The following GRIK4 variants were observed in gnomAD, a reference collection of about 807,000 sequenced individuals.
GRIK4 encodes the protein glutamate receptor ionotropic, kainate 4.
A neutral mutation model predicts 104.9 loss-of-function variants in GRIK4; 40 were observed. The ratio of observed to expected loss-of-function variants is 0.38; its 90% CI spans 0.30 to 0.50. The LOEUF (loss-of-function observed/expected upper bound fraction) is 0.50. Among genes scored for constraint, GRIK4 ranks in the 20% least tolerant of loss-of-function variants. The pLI, the probability that GRIK4 is intolerant of heterozygous loss-of-function variation, is 0.93. For synonymous variants in GRIK4, 485 were observed against 524.9 expected, an observed-to-expected ratio of 0.92 and a Z score of 1.04; for missense variants, 1,047 against 1,308.1, an observed-to-expected ratio of 0.80 and a Z score of 3.08.
intron 1 of GRIK4, among the ~76,000 whole-genome samples, chr11:120,607,278 T>C (rs1948974260): frequency 6.6e-6 from 1 of 152,172 alleles, no homozygotes; most frequent in African/African-American, 2.4e-5. Context: ...ATGACTTGTA[T>C]TGTAACGGGT....
chr11:120,898,093 T>A (rs1942634910), intron 11 of GRIK4, among the ~76,000 whole-genome samples: 1 of 152,178 alleles, frequency 6.6e-6, no homozygotes, highest in South Asian at 2.1e-4. Context: ...CCAGCAAATG[T>A]TTATCAAAGG....
intron 3 of GRIK4, among the ~76,000 whole-genome samples, chr11:120,710,191 A>T (rs1276314733): frequency 6.8e-6 from 1 of 147,598 alleles, no homozygotes; most frequent in Admixed American, 6.6e-5. Context: ...TCTTTCTAGT[A>T]ACTCGGAGAA....
chr11:120,680,933 G>T (rs1463633578), intron 3 of GRIK4, among the ~76,000 whole-genome samples: 1 of 152,122 alleles, frequency 6.6e-6, no homozygotes, highest in Non-Finnish European at 1.5e-5. Context: ...ATATATCATG[G>T]GCAGCCACTG....
At chr11:120,657,847 G>T (rs1378823111) in intron 2 of GRIK4, among the ~76,000 whole-genome samples, 1 of 152,196 alleles carries the variant, frequency 6.6e-6, no homozygotes, top group Non-Finnish European at 1.5e-5. Flanking sequence ...ACACACATAA[G>T]GAAAAGTGCA....
At chr11:120,969,868 T>C (rs563291230) in intron 19 of GRIK4, among the ~76,000 whole-genome samples, 2 of 152,232 alleles carry the variant, frequency 1.3e-5, no homozygotes, top group South Asian at 4.1e-4. Flanking sequence ...TCTTTCTTCC[T>C]AGAAACGCTT....
intron 1 of GRIK4, among the ~76,000 whole-genome samples, chr11:120,576,156 A>G (rs1948481138): frequency 1.3e-5 from 2 of 152,186 alleles, no homozygotes; most frequent in South Asian, 4.1e-4. Context: ...GGAATAGTCC[A>G]TCTTCCCCAT....
chr11:120,788,651 C>T (rs540704953), intron 3 of GRIK4, among the ~76,000 whole-genome samples: 39 of 152,304 alleles, frequency 2.6e-4, no homozygotes, highest in African/African-American at 9.1e-4. Context: ...ACCAGGCTCC[C>T]TCCATCTGCC....
At position 120,960,873 on chromosome 11, in the gene GRIK4, C is replaced by T. The variant is rs745921019; in HGVS notation, c.1875-36C>T. The T allele has an allele frequency of 2.2e-5, 35 of 1,582,284 alleles. 1 individual carries two copies. The highest frequency in any genetic ancestry group is 5.4e-5 in the African/African-American group (4 of 74,200). On this transcript the variant is annotated intron_variant, in intron 16 of 20. Transcript: ENST00000527524. Reference sequence around the variant, plus strand: ...AGGGGCCAAGACTCCAGGGAGTGCCCGGGCAATGATGACTTCCTCGTCTTT... The same window carrying T: ...AGGGGCCAAGACTCCAGGGAGTGCCTGGGCAATGATGACTTCCTCGTCTTT...
intron 9 of GRIK4, chr11:120,871,914 C>G (rs1288103844): frequency 2.4e-5 from 11 of 456,116 alleles, no homozygotes; most frequent in Non-Finnish European, 4.4e-5. Context: ...CTGTAATTGC[C>G]TTTTAAAGAG....
At chr11:120,633,038 A>G (rs1208712641) in intron 1 of GRIK4, among the ~76,000 whole-genome samples, 2 of 152,024 alleles carry the variant, frequency 1.3e-5, no homozygotes, top group African/African-American at 4.8e-5. Context: ...ACACAAACAG[A>G]TGATGGCACC....
chr11:120,536,301 T>C (rs769206186), intron 1 of GRIK4, among the ~76,000 whole-genome samples: 11 of 152,176 alleles, frequency 7.2e-5, no homozygotes, highest in Non-Finnish European at 1.2e-4. Flanking sequence ...GAAGGACAAG[T>C]TGGGCCCAAA....
Position 120,952,952 on chromosome 11 carries a change from T to C in GRIK4, c.1688T>C (p.Phe563Ser). Residue 563 changes from phenylalanine (F) to serine (S), a missense_variant, in exon 15 of 21, where the codon TTC becomes TCC. By Grantham distance (155) the Phe-to-Ser change is radical (BLOSUM62 -2). Around this residue, in one of 3 missense-constraint regions of GRIK4, gnomAD observed 440 missense variants for 652.3 expected, o/e 0.67. Transcript: ENST00000527524. The surrounding 1 kb of genome is among the most constrained non-coding windows in gnomAD (Gnocchi z 5.2). ...LAYLAVSCVL[F>S]LVARLTPYEW... is the part of the protein sequence containing the mutation. Reference sequence around the variant, plus strand: ...TATCTGGCCGTCAGCTGTGTCCTCTTCCTGGTGGCTCGGTACTCTCCTCTT... The same window carrying C: ...TATCTGGCCGTCAGCTGTGTCCTCTCCCTGGTGGCTCGGTACTCTCCTCTT... The C allele has an allele frequency of 1.2e-6, 2 of 1,610,022 alleles. No individual in the cohort carries two copies. Among genetic ancestry groups the C allele is most frequent in the Non-Finnish European group, 1.7e-6 (2 of 1,176,548 alleles).
intron 3 of GRIK4, among the ~76,000 whole-genome samples, chr11:120,773,739 C>T (rs1951988973): frequency 6.6e-6 from 1 of 152,190 alleles, no homozygotes; most frequent in Non-Finnish European, 1.5e-5. Flanking sequence ...AGGGGATAAA[C>T]TGGGCTCTGA....
chr11:120,862,637 C>T (rs996430248), intron 9 of GRIK4, among the ~76,000 whole-genome samples: 8 of 152,136 alleles, frequency 5.3e-5, no homozygotes, highest in Admixed American at 3.3e-4. Flanking sequence ...TCCTGCGTCA[C>T]GGCTCATCCA....
At chr11:120,548,084 C>T (rs1000928219) in intron 1 of GRIK4, among the ~76,000 whole-genome samples, 4 of 152,298 alleles carry the variant, frequency 2.6e-5, no homozygotes, top group African/African-American at 7.2e-5. Context: ...TGACAGTGAT[C>T]AGCTGTTACT....
At chr11:120,521,118 C>G (rs550892035) in intron 1 of GRIK4, among the ~76,000 whole-genome samples, 1 of 152,092 alleles carries the variant, frequency 6.6e-6, no homozygotes, top group South Asian at 2.1e-4. Context: ...GACAGAGTTT[C>G]ACTCTCACCC....
intron 4 of GRIK4, among the ~76,000 whole-genome samples, chr11:120,809,842 G>A (rs1160634017): frequency 6.6e-6 from 1 of 152,198 alleles, no homozygotes; most frequent in African/African-American, 2.4e-5. Context: ...GAAGTGGGAG[G>A]ATTGCTTGAC....
rs569556217 is a variant in GRIK4 at position 120,556,113 on chromosome 11, G to A, written c.-159+44226G>A. Among the ~76,000 whole-genome samples the A allele has an allele frequency of 1.6e-4, 25 of 152,260 alleles. No homozygotes were observed. In the South Asian group the frequency reaches 3.1e-3, roughly 19 times the overall value. On this transcript the variant is annotated intron_variant, in intron 1 of 20. Transcript: ENST00000527524. ...GGTAGGGAGGGCAGCTTTAGGTCAA[G>A]GTTTACATTGAAGAGAAGATGGCGG...
chr11:120,645,435 T>C (rs763743620), intron 1 of GRIK4, among the ~76,000 whole-genome samples: 1 of 152,322 alleles, frequency 6.6e-6, no homozygotes, highest in South Asian at 2.1e-4. Context: ...GGTGAACAAA[T>C]GAATGAACAA....
Sources: gnomAD v4.1 joint callset for allele counts (sites outside exome capture counted in the v4.1 genomes callset) on GRCh38, gnomAD v4.1.1 for gene constraint, gnomAD v4.1.1 regional missense constraint, Gnocchi (gnomAD v3.1) non-coding constraint, MANE v1.5 for transcripts, NCBI Gene and HGNC (gene_info 2026-07-23, HGNC 2026-07-21) for gene names.